Variants in AAK1 observed in about 807,000 individuals in gnomAD.
The protein encoded by AAK1 is AP2-associated protein kinase 1.
Under a neutral mutation model 116.0 loss-of-function variants are expected in AAK1, and 37 were observed. The ratio of observed to expected loss-of-function variants is 0.32; its 90% confidence interval spans 0.25 to 0.42. The LOEUF is 0.42. Among genes scored for constraint, AAK1 ranks in the 10% least tolerant of loss-of-function variants. The probability of loss-of-function intolerance (pLI) is 1.00; values close to 1 mark genes in which losing one functional copy is unlikely to be tolerated. For synonymous variants in AAK1, 458 were observed against 439.9 expected (o/e 1.04, Z -0.51); for missense variants, 919 against 1,170.6 (o/e 0.79, Z 3.14).
Position 69,479,071 on chromosome 2 carries a change from GATTAACAGC to G in AAK1, c.2570-19_2570-11del. On this transcript the variant is annotated splice_polypyrimidine_tract_variant and intron_variant, in intron 19 of 21. Transcript: ENST00000409085. ...TCCCCGGTGAGAGAATCTGAGTCCA[GATTAACAGC>G]ATCCCAGGTCAGTGATGGCATTAAG... The G allele has an allele frequency of 6.4e-7, 1 of 1,570,636 alleles. No individual in the cohort carries two copies. Among genetic ancestry groups the G allele is most frequent in the South Asian group, 1.1e-5 (1 of 90,110 alleles).
chr2:69,493,808 C>T (rs112008282), intron 17 of AAK1, among the ~76,000 whole-genome samples: 3,658 of 152,134 alleles, frequency 0.024, 142 homozygotes, highest in African/African-American at 0.082. Context: ...TTGAATGACA[C>T]AAGGGAACAA....
At chr2:69,478,069 A>G (rs1674918403) in intron 20 of AAK1, among the ~76,000 whole-genome samples, 1 of 152,254 alleles carries the variant, frequency 6.6e-6, no homozygotes, top group African/African-American at 2.4e-5. Context: ...TGAAAATAGT[A>G]GATTAGAAAG....
At chr2:69,538,891 C>CA (rs1426118775) in intron 5 of AAK1, among the ~76,000 whole-genome samples, 2 of 151,758 alleles carry the variant, frequency 1.3e-5, no homozygotes, top group African/African-American at 4.8e-5. Context: ...CAAAAAAAAA[C>CA]AAAAAACAAA....
rs1424917007 is a variant in AAK1, at chr2:69,471,277, T to G, written c.*4592A>C. On this transcript the variant is annotated 3_prime_UTR_variant, in exon 22 of 22. Coordinates refer to ENST00000409085, the MANE Select transcript of AAK1 (RefSeq NM_014911.5). ...ATAGGTTAGCATTACCCAAGGAGCC[T>G]CCCTATCCCGTATTAGTGAAAGGAA... is the stretch of plus-strand genomic sequence containing the variant. 3.0e-5 allele frequency: 30 copies of G among 985,314 alleles called. No individual in the cohort carries two copies. The highest frequency in any genetic ancestry group is 3.4e-5 in the Non-Finnish European group (28 of 829,938). The allele number at this position is 985,314 out of a possible 1,614,324, so 61.0% of individuals were successfully genotyped here.
intron 2 of AAK1, among the ~76,000 whole-genome samples, chr2:69,583,639 G>A (rs1052728059): frequency 4.6e-5 from 7 of 152,202 alleles, no homozygotes; most frequent in African/African-American, 1.7e-4. Flanking sequence ...CAAAGAGCCC[G>A]TTCAGCATTA....
At chr2:69,533,402 A>T (rs1424278405) in intron 5 of AAK1, among the ~76,000 whole-genome samples, 3 of 152,162 alleles carry the variant, frequency 2.0e-5, no homozygotes, top group Non-Finnish European at 4.4e-5. Flanking sequence ...ACTACTACTG[A>T]TTCTTTTAAA....
chr2:69,544,992 T>C (rs1366701601), intron 3 of AAK1, among the ~76,000 whole-genome samples: 4 of 152,008 alleles, frequency 2.6e-5, no homozygotes, highest in Admixed American at 6.6e-5. Context: ...GACTTTTAAA[T>C]AGTTCGTACT....
At chr2:69,630,333 C>CGGGGGGG (rs1404671822) in intron 2 of AAK1, among the ~76,000 whole-genome samples, 1 of 14,232 alleles carries the variant, frequency 7.0e-5, no homozygotes, top group African/African-American at 3.2e-4. Flanking sequence ...CTGAGTGGGG[C>CGGGGGGG]GGGGGGTGGG....
intron 5 of AAK1, among the ~76,000 whole-genome samples, chr2:69,538,760 T>C (rs903357859): frequency 6.6e-6 from 1 of 152,090 alleles, no homozygotes; most frequent in African/African-American, 2.4e-5. Flanking sequence ...CGGGCACCAG[T>C]AATCCCAGCT....
Position 69,475,575 on chromosome 2 carries a change from G to T in AAK1, c.*294C>A. The stretch of plus-strand genomic sequence containing the variant: ...TAAGCTTTTGGTGGAGTTGATTCCA[G>T]CAGAGGTGAAGCTCATGGCATCTAG... On this transcript the variant is annotated 3_prime_UTR_variant, in exon 22 of 22. Transcript: ENST00000409085. 1 of 1,134,456 alleles carries T rather than the reference G, an allele frequency of 8.8e-7. No homozygotes were observed. Among genetic ancestry groups the T allele is most frequent in the Non-Finnish European group, 1.1e-6 (1 of 922,926 alleles). 70.3% of individuals were successfully genotyped at this position (1,134,456 alleles called of 1,614,324 possible).
chr2:69,459,829 CTCT>C lies in AAK1; in HGVS notation c.*16037_*16039del, dbSNP rs1674296869. ...ATACTACTTTTCAAGCATTTTGAAACTCTTCTTTTCCTTTAGTGATGTTTTCAG... is the reference window on the plus strand; with the variant it reads ...ATACTACTTTTCAAGCATTTTGAAACTCTTTTCCTTTAGTGATGTTTTCAG... On this transcript the variant is annotated 3_prime_UTR_variant, in exon 22 of 22. Coordinates refer to ENST00000409085, the MANE Select transcript of AAK1 (RefSeq NM_014911.5). The C allele has an allele frequency of 1.3e-5, 2 of 152,084 alleles. No homozygotes were observed. Among genetic ancestry groups the C allele is most frequent in the Non-Finnish European group, 2.9e-5 (2 of 68,016 alleles). The allele number at this position is 152,084 out of a possible 1,614,324, so 9.4% of individuals were successfully genotyped here.
Position 69,462,060 on chromosome 2 carries a change from A to G in AAK1, c.*13809T>C, listed in dbSNP as rs949109256. ...AGGAAAAACATTTTGCTGGGCTGTT[A>G]CAGAGATAATCCTGAATATTTGGAA... is the stretch of plus-strand genomic sequence containing the variant. On this transcript the variant is annotated 3_prime_UTR_variant, in exon 22 of 22. Coordinates refer to ENST00000409085, the MANE Select transcript of AAK1 (RefSeq NM_014911.5). The G allele has an allele frequency of 6.5e-6, 1 of 152,844 alleles. No individual in the cohort carries two copies. The highest frequency in any genetic ancestry group is 2.4e-5 in the African/African-American group (1 of 41,418). The allele number at this position is 152,844 out of a possible 1,614,324, so 9.5% of individuals were successfully genotyped here.
At position 69,465,546 on chromosome 2, in the gene AAK1, T is replaced by C; in HGVS notation, c.*10323A>G. ...AACAGACCCAGCTATCGACTGCTTG[T>C]TGGTTTGTGAAACAATTTTGTAGGC... On this transcript the variant is annotated 3_prime_UTR_variant, in exon 22 of 22. Coordinates refer to ENST00000409085, the MANE Select transcript of AAK1 (RefSeq NM_014911.5). 1 of 1,290,950 alleles carries C rather than the reference T, an allele frequency of 7.7e-7. No homozygotes were observed. The highest frequency in any genetic ancestry group is 1.0e-6 in the Non-Finnish European group (1 of 988,876). The allele number at this position is 1,290,950 out of a possible 1,614,324, so 80.0% of individuals were successfully genotyped here.
At chr2:69,489,940 A>T (rs185568456) in intron 17 of AAK1, among the ~76,000 whole-genome samples, 2 of 152,186 alleles carry the variant, frequency 1.3e-5, no homozygotes, top group Non-Finnish European at 2.9e-5. Flanking sequence ...ACGAGACAGC[A>T]GTTGGAAATG....
intron 17 of AAK1, among the ~76,000 whole-genome samples, chr2:69,487,462 T>C (rs1219490026): frequency 6.6e-6 from 1 of 152,198 alleles, no homozygotes; most frequent in Non-Finnish European, 1.5e-5. Context: ...TCCAAAAACA[T>C]CAATCACGCT....
intron 2 of AAK1, among the ~76,000 whole-genome samples, chr2:69,609,897 A>C (rs1673992965): frequency 6.6e-6 from 1 of 151,680 alleles, no homozygotes; most frequent in Non-Finnish European, 1.5e-5. Flanking sequence ...AAAAATACAA[A>C]AAATTAGCCG....
intron 16 of AAK1, among the ~76,000 whole-genome samples, chr2:69,504,510 G>A (rs1220411261): frequency 1.3e-5 from 2 of 151,570 alleles, no homozygotes; most frequent in African/African-American, 2.4e-5. Context: ...GCTCACGCCT[G>A]TAATCCCAGC....
At chr2:69,619,030 T>G (rs1674468166) in intron 2 of AAK1, among the ~76,000 whole-genome samples, 1 of 152,174 alleles carries the variant, frequency 6.6e-6, no homozygotes, top group African/African-American at 2.4e-5. Flanking sequence ...CCATCTACAC[T>G]GCTCCTTTGA....
At chr2:69,519,671 C>T (rs1477903045) in intron 11 of AAK1, among the ~76,000 whole-genome samples, 1 of 152,120 alleles carries the variant, frequency 6.6e-6, no homozygotes, top group Non-Finnish European at 1.5e-5. Context: ...AGATGGCCAC[C>T]AAATTCACCA....
Sources: gnomAD v4.1 joint callset for allele counts (sites outside exome capture counted in the v4.1 genomes callset) on GRCh38, gnomAD v4.1.1 for gene constraint, MANE v1.5 for transcripts, NCBI Gene and HGNC (gene_info 2026-07-23, HGNC 2026-07-21) for gene names.